The following RNGTT variants were observed in gnomAD, a reference collection of about 807,000 sequenced individuals.
RNGTT encodes the protein RNA guanylyltransferase and 5'-phosphatase.
In RNGTT, 33 loss-of-function variants were observed where a neutral mutation model predicts 79.3. The observed-to-expected ratio is 0.42, with a 90% CI of 0.32 to 0.56. The LOEUF (loss-of-function observed/expected upper bound fraction) is 0.56, where lower values mean the gene tolerates loss of function less well. RNGTT is among the 20% of genes least tolerant of loss of function. The probability of loss-of-function intolerance (pLI) is 0.17; values close to 1 mark genes in which losing one functional copy is unlikely to be tolerated. For synonymous variants in RNGTT, 222 were observed against 235.9 expected (o/e 0.94, Z 0.54); for missense variants, 497 against 739.1 (o/e 0.67, Z 3.80).
chr6:88,659,684 T>C (rs1774110885), intron 14 of RNGTT, among the ~76,000 whole-genome samples: 1 of 151,760 alleles, frequency 6.6e-6, no homozygotes, highest in Non-Finnish European at 1.5e-5. Flanking sequence ...GAATAACTGG[T>C]GTTCCTGAGG....
chr6:88,787,355 C>T (rs9344869), intron 12 of RNGTT, among the ~76,000 whole-genome samples: 20,945 of 151,872 alleles, frequency 0.14, 1,560 homozygotes, highest in Middle Eastern at 0.24. Context: ...GAAGATCACT[C>T]GATATGGAGA....
At chr6:88,784,534 T>C (rs926638972) in intron 12 of RNGTT, among the ~76,000 whole-genome samples, 2 of 152,074 alleles carry the variant, frequency 1.3e-5, no homozygotes, top group Non-Finnish European at 2.9e-5. Context: ...AAATAGCATG[T>C]ATAAATACAT....
At chr6:88,738,265 C>T (rs1259644815) in intron 13 of RNGTT, among the ~76,000 whole-genome samples, 1 of 152,126 alleles carries the variant, frequency 6.6e-6, no homozygotes, top group Non-Finnish European at 1.5e-5. Flanking sequence ...CTTCTCACAA[C>T]TGGCAATGTC....
At chr6:88,853,961 C>T (rs146735618) in intron 8 of RNGTT, among the ~76,000 whole-genome samples, 197 bp from the exon 9 acceptor site, 1 of 150,416 alleles carries the variant, frequency 6.6e-6, no homozygotes, top group Non-Finnish European at 1.5e-5. Context: ...TCCTCTGTTG[C>T]CCAGGCTGGA....
chr6:88,935,566 A>G (rs1356079644), intron 2 of RNGTT, among the ~76,000 whole-genome samples: 2 of 152,156 alleles, frequency 1.3e-5, no homozygotes, highest in African/African-American at 4.8e-5. Context: ...GTTTTTTTTA[A>G]TAAAATTAAA....
intron 13 of RNGTT, among the ~76,000 whole-genome samples, chr6:88,708,060 T>C (rs1478802169): frequency 2.0e-5 from 3 of 151,926 alleles, no homozygotes; most frequent in African/African-American, 7.3e-5. Flanking sequence ...CTCATGTGTT[T>C]TTCTTCTGTT....
chr6:88,669,846 A>G (rs1355003343), intron 14 of RNGTT, among the ~76,000 whole-genome samples: 2 of 152,198 alleles, frequency 1.3e-5, no homozygotes, highest in Non-Finnish European at 2.9e-5. Context: ...AGGCAATTGG[A>G]AAGATGATGA....
At chr6:88,739,753 ATATATATATATATATATATATATATG>A (rs1777415608) in intron 13 of RNGTT, among the ~76,000 whole-genome samples, 1 of 54,506 alleles carries the variant, frequency 1.8e-5, no homozygotes, top group Admixed American at 1.9e-4. Flanking sequence ...ATATATATAT[ATATATATATATATATATATATATATG>A]TTAACACATG....
chr6:88,834,234 A>G (rs1028647363), intron 11 of RNGTT, among the ~76,000 whole-genome samples: 13 of 152,350 alleles, frequency 8.5e-5, no homozygotes, highest in African/African-American at 2.9e-4. Flanking sequence ...GTCAATGAAT[A>G]AGATTTACTA....
intron 11 of RNGTT, among the ~76,000 whole-genome samples, chr6:88,837,515 G>T (rs1781121477): frequency 6.6e-6 from 1 of 151,630 alleles, no homozygotes; most frequent in Non-Finnish European, 1.5e-5. Context: ...AGTTTCCAAA[G>T]ATTTACAACA....
chr6:88,872,168 T>C (rs560562333), intron 8 of RNGTT, among the ~76,000 whole-genome samples: 89 of 152,330 alleles, frequency 5.8e-4, no homozygotes, highest in African/African-American at 2.0e-3. Context: ...CTTTGTTTTT[T>C]CTCTTGCTAA....
At chr6:88,751,889 G>A in intron 13 of RNGTT, among the ~76,000 whole-genome samples, 1 of 152,060 alleles carries the variant, frequency 6.6e-6, no homozygotes, top group East Asian at 1.9e-4. Context: ...CTATATGTAT[G>A]TAGCTCTGCA....
intron 14 of RNGTT, among the ~76,000 whole-genome samples, chr6:88,622,855 T>C (rs1772488742): frequency 6.6e-6 from 1 of 152,104 alleles, no homozygotes; most frequent in Non-Finnish European, 1.5e-5. Context: ...GGTGACATAA[T>C]GGTAAACAAG....
chr6:88,744,905 T>A (rs573902557), intron 13 of RNGTT, among the ~76,000 whole-genome samples: 1 of 152,306 alleles, frequency 6.6e-6, no homozygotes, highest in Middle Eastern at 3.4e-3. Flanking sequence ...AGGAAATTCA[T>A]CAAATTATGA....
chr6:88,942,546 T>C (rs950456616), intron 1 of RNGTT, among the ~76,000 whole-genome samples: 1 of 151,830 alleles, frequency 6.6e-6, no homozygotes, highest in Non-Finnish European at 1.5e-5. Context: ...ATTTTTTGTG[T>C]TTTTTGTAGG....
chr6:88,888,178 A>G (rs1229586895), intron 8 of RNGTT, among the ~76,000 whole-genome samples: 1 of 152,100 alleles, frequency 6.6e-6, no homozygotes, highest in Non-Finnish European at 1.5e-5. Flanking sequence ...TAAAATATGA[A>G]ACTCCTAAGA....
chr6:88,705,298 T>C (rs1776093576), intron 13 of RNGTT, among the ~76,000 whole-genome samples: 1 of 152,160 alleles, frequency 6.6e-6, no homozygotes, highest in Non-Finnish European at 1.5e-5. Flanking sequence ...AAATGACACA[T>C]ATCTCCTTGT....
At chr6:88,811,836 G>A (rs1345836324) in intron 11 of RNGTT, among the ~76,000 whole-genome samples, 1 of 152,078 alleles carries the variant, frequency 6.6e-6, no homozygotes, top group African/African-American at 2.4e-5. Flanking sequence ...CATTGCCTGA[G>A]AATACTCAAT....
At chr6:88,841,591 A>G (rs934894417) in intron 11 of RNGTT, among the ~76,000 whole-genome samples, 5 of 152,212 alleles carry the variant, frequency 3.3e-5, no homozygotes, top group Admixed American at 3.3e-4. Context: ...GCCCTAAACC[A>G]GGCATATAAA....
Sources: gnomAD v4.1 joint callset for allele counts (sites outside exome capture counted in the v4.1 genomes callset) on GRCh38, gnomAD v4.1.1 for gene constraint, MANE v1.5 for transcripts, NCBI Gene and HGNC (gene_info 2026-07-23, HGNC 2026-07-21) for gene names.